Variants in MBD5 observed in about 807,000 individuals in gnomAD.
The protein encoded by MBD5 is methyl-CpG binding domain protein 5.
In MBD5, 13 loss-of-function variants were observed where a neutral mutation model predicts 117.3. The ratio of observed to expected loss-of-function variants is 0.11; its 90% confidence interval spans 0.07 to 0.18. The LOEUF (loss-of-function observed/expected upper bound fraction) is 0.18. Among genes scored for constraint, MBD5 ranks in the 10% least tolerant of loss-of-function variants. MBD5 has a pLI of 1.00. For missense variants in MBD5, 1,879 were observed against 2,093.8 expected, an observed-to-expected ratio of 0.90 and a Z score of 2.00; for synonymous variants, 727 against 766.4, an observed-to-expected ratio of 0.95 and a Z score of 0.85.
intron 4 of MBD5, among the ~76,000 whole-genome samples, chr2:148,450,843 G>A (rs945183401): frequency 2.0e-5 from 3 of 152,110 alleles, no homozygotes; most frequent in Non-Finnish European, 4.4e-5. Flanking sequence ...TGACTAGAGT[G>A]TATAAGTTGC....
chr2:148,435,429 A>G (rs556293855), intron 4 of MBD5, among the ~76,000 whole-genome samples: 1 of 152,294 alleles, frequency 6.6e-6, no homozygotes, highest in South Asian at 2.1e-4. Flanking sequence ...CTTATAAGGC[A>G]GGTCTGGTAG....
intron 2 of MBD5, among the ~76,000 whole-genome samples, chr2:148,228,708 G>A (rs1202417638): frequency 2.0e-5 from 3 of 152,130 alleles, no homozygotes; most frequent in Non-Finnish European, 4.4e-5. Flanking sequence ...TTGTACCTCT[G>A]GTAGAATTCG....
chr2:148,515,805 T>G lies in MBD5; in HGVS notation c.*2864T>G, dbSNP rs530426993. 6.6e-6 allele frequency: 1 copy of G among 152,348 alleles called. No homozygotes were observed. Among genetic ancestry groups the G allele is most frequent in the South Asian group, 2.1e-4 (1 of 4,830 alleles). The allele number at this position is 152,348 out of a possible 1,614,324, so 9.4% of individuals were successfully genotyped here. On this transcript the variant is annotated 3_prime_UTR_variant, in exon 14 of 14. Transcript: ENST00000642680. ...CCTAGGAAGCACAAGGAGAATAAAC[T>G]AAACCTCTAAGAAGGTTTTAAAAAT...
rs1301569387 is a variant in MBD5 at position 148,458,768 on chromosome 2, G to C, written c.10G>C (p.Gly4Arg). Residue 4 changes from glycine (G) to arginine (R), a missense_variant, in exon 5 of 14, where the codon GGC (glycine) becomes CGC (arginine). Gly to Arg is a moderately radical substitution (Grantham distance 125, BLOSUM62 -2). Transcript: ENST00000642680. The part of the protein sequence containing the change: MNG[G>R]KECDGGDKEG... ...CTAGCAGACACAGAAAATGAATGGA[G>C]GCAAAGAGTGTGACGGAGGGGACAA... The C allele has an allele frequency of 6.2e-7, 1 of 1,613,242 alleles. No homozygotes were observed. Among genetic ancestry groups the C allele is most frequent in the East Asian group, 2.2e-5 (1 of 44,860 alleles).
intron 1 of MBD5, among the ~76,000 whole-genome samples, chr2:148,048,510 T>G (rs1694599432): frequency 6.6e-6 from 1 of 152,060 alleles, no homozygotes; most frequent in Non-Finnish European, 1.5e-5. Flanking sequence ...AAATAAGAAC[T>G]GAGAAAAGAA....
At chr2:148,164,965 A>G (rs1226197846) in intron 1 of MBD5, among the ~76,000 whole-genome samples, 3 of 152,160 alleles carry the variant, frequency 2.0e-5, no homozygotes, top group African/African-American at 7.2e-5. Flanking sequence ...TGTCCAAAAT[A>G]TTTCTCAATC....
chr2:148,243,257 A>G (rs1461721291), intron 3 of MBD5, among the ~76,000 whole-genome samples: 1 of 152,064 alleles, frequency 6.6e-6, no homozygotes, highest in African/African-American at 2.4e-5. Flanking sequence ...CTTTTTTTAT[A>G]TAGAATTCTT....
chr2:148,312,740 G>A (rs1281576113), intron 3 of MBD5, among the ~76,000 whole-genome samples: 4 of 152,106 alleles, frequency 2.6e-5, no homozygotes, highest in Non-Finnish European at 4.4e-5. Context: ...TCTGGTTTTT[G>A]GGATTTTCAG....
chr2:148,032,551 A>G (rs1461951242), intron 1 of MBD5, among the ~76,000 whole-genome samples: 1 of 152,108 alleles, frequency 6.6e-6, no homozygotes, highest in Non-Finnish European at 1.5e-5. Context: ...ACAAAGGTCA[A>G]TGTGGCAGAA....
chr2:148,158,742 C>T (rs1017131702), intron 1 of MBD5, among the ~76,000 whole-genome samples: 3 of 152,122 alleles, frequency 2.0e-5, no homozygotes, highest in Middle Eastern at 3.2e-3. Context: ...ATTTTTGAGA[C>T]GGAGTCTCGC....
chr2:148,506,440 A>G (rs1682034796), intron 12 of MBD5, among the ~76,000 whole-genome samples: 1 of 152,254 alleles, frequency 6.6e-6, no homozygotes, highest in Non-Finnish European at 1.5e-5. Flanking sequence ...GATACTTACC[A>G]TGTTAAATTT....
At chr2:148,216,067 A>G (rs904452880) in intron 2 of MBD5, among the ~76,000 whole-genome samples, 4 of 152,164 alleles carry the variant, frequency 2.6e-5, no homozygotes, top group Non-Finnish European at 5.9e-5. Context: ...GCAAGCTTAT[A>G]CAAAAAGGGT....
intron 2 of MBD5, among the ~76,000 whole-genome samples, chr2:148,188,640 G>A (rs551990262): frequency 9.1e-4 from 135 of 147,804 alleles, no homozygotes; most frequent in Middle Eastern, 3.6e-3. Context: ...CCATGATTGC[G>A]CCACTGCACT....
chr2:148,291,300 C>G (rs1420059053), intron 3 of MBD5, among the ~76,000 whole-genome samples: 1 of 152,154 alleles, frequency 6.6e-6, no homozygotes, highest in African/African-American at 2.4e-5. Context: ...AGAATTTTAT[C>G]ATCTTAACAA....
chr2:148,101,893 G>C (rs1696226597), intron 1 of MBD5, among the ~76,000 whole-genome samples: 1 of 152,124 alleles, frequency 6.6e-6, no homozygotes, highest in Non-Finnish European at 1.5e-5. Flanking sequence ...TGAGATATGT[G>C]TGTATGTGTG....
At chr2:148,502,236 C>G (rs1322662731) in intron 11 of MBD5, among the ~76,000 whole-genome samples, 200 bp from the exon 12 acceptor site, 1 of 152,226 alleles carries the variant, frequency 6.6e-6, no homozygotes. Flanking sequence ...AACAGCTTTT[C>G]ACTTCCACTG....
chr2:148,121,976 G>T (rs902246715), intron 1 of MBD5, among the ~76,000 whole-genome samples: 1 of 152,062 alleles, frequency 6.6e-6, no homozygotes, highest in African/African-American at 2.4e-5. Context: ...GGATTCTTTG[G>T]AGTCAACTCT....
chr2:148,483,699 G>T lies in MBD5; in HGVS notation c.3108G>T (p.Leu1036Phe), dbSNP rs928808252. Residue 1036 changes from leucine (L) to phenylalanine (F), a missense_variant, in exon 9 of 14, where the codon TTG becomes TTT. Transcript: ENST00000642680. ...AGATGACAGCCCCACCAGACCATTT[G>T]CCAAGCAATCAGTCAGACAACAGCC... ...LTQMTAPPDH[L>F]PSNQSDNSRA... 6.8e-5 allele frequency: 106 copies of T among 1,550,468 alleles called. No individual in the cohort carries two copies. Among genetic ancestry groups the T allele is most frequent in the Non-Finnish European group, 8.6e-5 (99 of 1,146,994 alleles).
intron 1 of MBD5, among the ~76,000 whole-genome samples, chr2:148,050,575 C>A (rs1321093315): frequency 6.6e-6 from 1 of 151,844 alleles, no homozygotes; most frequent in Non-Finnish European, 1.5e-5. Context: ...TAATTTTTTT[C>A]TTTTGTTACT....
Sources: gnomAD v4.1 joint callset for allele counts (sites outside exome capture counted in the v4.1 genomes callset) on GRCh38, gnomAD v4.1.1 for gene constraint, MANE v1.5 for transcripts, NCBI Gene and HGNC (gene_info 2026-07-23, HGNC 2026-07-21) for gene names.